Variants in NELL2 observed in about 807,000 individuals in gnomAD.
The protein encoded by NELL2 is neural EGFL like 2, also known as protein kinase C-binding protein NELL2.
In NELL2, 41 loss-of-function variants were observed where a neutral mutation model predicts 109.6. The ratio of observed to expected loss-of-function variants is 0.37; its 90% CI spans 0.29 to 0.49. The LOEUF (loss-of-function observed/expected upper bound fraction) is 0.49. NELL2 is among the 20% of genes least tolerant of loss of function. The probability of loss-of-function intolerance (pLI) is 0.98; values close to 1 mark genes in which losing one functional copy is unlikely to be tolerated. For missense variants in NELL2, 900 were observed against 1,008.3 expected (o/e 0.89, Z 1.45); for synonymous variants, 355 against 344.7 (o/e 1.03, Z -0.33).
At chr12:44,522,983 A>C (rs550994707) in intron 17 of NELL2, 51 of 317,190 alleles carry the variant, frequency 1.6e-4, no homozygotes, top group Non-Finnish European at 2.6e-4. Context: ...TCAAAAACAT[A>C]ATGTTGAGAG....
chr12:44,714,684 G>T lies in NELL2; in HGVS notation c.1052C>A (p.Ser351Tyr). 6.2e-7 allele frequency: 1 copy of T among 1,602,758 alleles called. No individual in the cohort carries two copies. The highest frequency in any genetic ancestry group is 1.1e-5 in the South Asian group (1 of 88,976). Residue 351 changes from serine to tyrosine, a missense_variant, in exon 10 of 20, where the codon TCC becomes TAC. Ser to Tyr is a moderately radical substitution (Grantham distance 144). This residue lies in a region of NELL2 where 292 missense variants were observed against 265.3 expected (regional missense o/e 1.10). Transcript: ENST00000429094. ...ATAGAGAACACATACTCCAGAAGAGGAATAGACTGTATTTCTTTCTCCTTC... is the reference window on the plus strand; with the variant it reads ...ATAGAGAACACATACTCCAGAAGAGTAATAGACTGTATTTCTTTCTCCTTC... Reference protein sequence around the residue: ...YFEGERNTVYSSSGVCVLYEC... With the variant: ...YFEGERNTVYYSSGVCVLYEC...
chr12:44,835,291 C>G (rs1400027955), intron 2 of NELL2, among the ~76,000 whole-genome samples: 4 of 152,200 alleles, frequency 2.6e-5, no homozygotes, highest in Admixed American at 2.6e-4. Context: ...GGCAGAAATA[C>G]ACCAAAAAGA....
chr12:44,916,606 G>A (rs1334634908), upstream of NELL2, among the ~76,000 whole-genome samples: 2 of 152,018 alleles, frequency 1.3e-5, no homozygotes, highest in Non-Finnish European at 2.9e-5. Context: ...ACTCCTCATT[G>A]CATCCATCAT....
At chr12:44,867,521 T>A (rs1945035327) in intron 2 of NELL2, among the ~76,000 whole-genome samples, 1 of 152,220 alleles carries the variant, frequency 6.6e-6, no homozygotes. Flanking sequence ...GCTAACATTA[T>A]ACTCAACAGT....
At chr12:44,795,259 G>C (rs1389304704) in intron 3 of NELL2, among the ~76,000 whole-genome samples, 1 of 152,140 alleles carries the variant, frequency 6.6e-6, no homozygotes, top group Non-Finnish European at 1.5e-5. Context: ...GTCACCTAAA[G>C]AAAAGCCATA....
chr12:44,678,692 A>T (rs1948397316), intron 12 of NELL2, among the ~76,000 whole-genome samples: 1 of 152,132 alleles, frequency 6.6e-6, no homozygotes, highest in Admixed American at 6.6e-5. Flanking sequence ...CAAAACCCTG[A>T]TCAATACAGT....
intron 1 of NELL2, among the ~76,000 whole-genome samples, chr12:44,887,103 T>A (rs183870295): frequency 6.6e-6 from 1 of 152,062 alleles, no homozygotes; most frequent in Non-Finnish European, 1.5e-5. Flanking sequence ...CTTTTTGATA[T>A]ATTGATTTCC....
chr12:44,660,642 G>T (rs1025064246), intron 13 of NELL2, among the ~76,000 whole-genome samples: 4 of 152,172 alleles, frequency 2.6e-5, no homozygotes, highest in Admixed American at 2.6e-4. Context: ...TGGGGCAAGA[G>T]AATTTTCCAT....
At chr12:44,876,485 A>G (rs1566581762), upstream of NELL2, 1 of 1,344,116 alleles carries the variant, frequency 7.4e-7, no homozygotes, top group Non-Finnish European at 9.6e-7. Flanking sequence ...GGAGCCCAGG[A>G]GCCGTTGCAG....
intron 12 of NELL2, among the ~76,000 whole-genome samples, chr12:44,681,979 T>A (rs1948524803): frequency 1.3e-5 from 2 of 151,910 alleles, no homozygotes; most frequent in East Asian, 3.8e-4. Context: ...TCTAGATCCC[T>A]GAGGAATCGC....
intron 5 of NELL2, among the ~76,000 whole-genome samples, chr12:44,778,548 A>C (rs1358967120): frequency 1.3e-5 from 2 of 152,178 alleles, no homozygotes; most frequent in African/African-American, 4.8e-5. Flanking sequence ...TTGAGGCCAC[A>C]CTTAGGCTCC....
chr12:44,577,229 ATT>A (rs1185517697), intron 15 of NELL2, among the ~76,000 whole-genome samples: 9 of 97,390 alleles, frequency 9.2e-5, no homozygotes, highest in Non-Finnish European at 1.4e-4. Flanking sequence ...CTTTTTAATG[ATT>A]GCCATTCTAA....
chr12:44,576,287 C>T (rs1944080762), intron 15 of NELL2, among the ~76,000 whole-genome samples: 2 of 152,230 alleles, frequency 1.3e-5, no homozygotes, highest in African/African-American at 4.8e-5. Flanking sequence ...TAAGATTTCG[C>T]AGTCATATCT....
chr12:44,634,316 T>C (rs988201522), intron 13 of NELL2, among the ~76,000 whole-genome samples: 1 of 152,044 alleles, frequency 6.6e-6, no homozygotes, highest in East Asian at 1.9e-4. Flanking sequence ...ATGCTATCCC[T>C]TCCCCAGCCC....
Position 44,607,218 on chromosome 12 carries a change from A to G in NELL2, c.1614T>C (p.Ala538=). The change falls in exon 15 of 20, where the codon GCT becomes GCC. Residue 538 remains alanine (A), a synonymous_variant. Transcript: ENST00000429094. ...AGCCTTGTGGGCAGGCACACACATT[A>G]GCGGCAATACAGGCTCCTCCATTCC... is the stretch of plus-strand genomic sequence containing the variant. ...GCRNGGACIA[A]NVCACPQGFT... is the part of the protein sequence containing the mutation. The G allele has an allele frequency of 6.2e-7, 1 of 1,612,924 alleles. No homozygotes were observed. The highest frequency in any genetic ancestry group is 1.3e-5 in the African/African-American group (1 of 74,940).
At chr12:44,648,732 T>TATATATA (rs1491366109) in intron 13 of NELL2, among the ~76,000 whole-genome samples, 45 of 24,916 alleles carry the variant, frequency 1.8e-3, no homozygotes, top group African/African-American at 6.6e-3. Flanking sequence ...TATATATATA[T>TATATATA]TTTTTTTTTT....
At chr12:44,611,672 C>T (rs1945629825) in intron 13 of NELL2, among the ~76,000 whole-genome samples, 1 of 152,032 alleles carries the variant, frequency 6.6e-6, no homozygotes, top group Non-Finnish European at 1.5e-5. Flanking sequence ...TTACAGCACC[C>T]CTGTGGGAGA....
At chr12:44,626,367 T>A (rs1376020493) in intron 13 of NELL2, among the ~76,000 whole-genome samples, 1 of 152,210 alleles carries the variant, frequency 6.6e-6, no homozygotes, top group Non-Finnish European at 1.5e-5. Flanking sequence ...TGAGATGCTA[T>A]TAATTCACAG....
At chr12:44,854,757 T>C (rs1439357001) in intron 2 of NELL2, among the ~76,000 whole-genome samples, 2 of 151,596 alleles carry the variant, frequency 1.3e-5, no homozygotes, top group South Asian at 2.1e-4. Context: ...GATGGGTGGA[T>C]GGATGACTGG....
Sources: gnomAD v4.1 joint callset for allele counts (sites outside exome capture counted in the v4.1 genomes callset) on GRCh38, gnomAD v4.1.1 for gene constraint, gnomAD v4.1.1 regional missense constraint, MANE v1.5 for transcripts, NCBI Gene and HGNC (gene_info 2026-07-23, HGNC 2026-07-21) for gene names.